SHOX: variants seen among roughly 807,000 people sequenced by gnomAD.
The protein encoded by SHOX is SHOX homeobox.
In SHOX, 12 loss-of-function variants were observed where a neutral mutation model predicts 29.6. The ratio of observed to expected loss-of-function variants is 0.41; its 90% CI spans 0.26 to 0.66. The LOEUF is 0.66. Ranked by LOEUF, SHOX falls within the 30% of genes least tolerant of loss-of-function variation. SHOX has a pLI of 0.35. For missense variants in SHOX, 499 were observed against 437.7 expected, an observed-to-expected ratio of 1.14 and a Z score of -1.25; for synonymous variants, 214 against 200.6, an observed-to-expected ratio of 1.07 and a Z score of -0.57.
intron 1 of SHOX, chrX:624,738 T>TTTCTTCC (rs1200490274): frequency 1.9e-5 from 1 of 53,274 alleles, no homozygotes; most frequent in African/African-American, 9.7e-5. Flanking sequence ...TCTTTCTTTC[T>TTTCTTCC]TTTCTTTCTT....
intron 1 of SHOX, among the ~76,000 whole-genome samples, chrX:632,770 C>T (rs2052673700): frequency 6.6e-6 from 1 of 152,170 alleles, no homozygotes. Flanking sequence ...CACACTGCTG[C>T]GGGCACCCGG....
In SHOX at chrX:651,413, A is replaced by AC. The variant is rs752334957; in HGVS notation, c.*6777_*6778insC. On this transcript the variant is annotated 3_prime_UTR_variant, in exon 5 of 5. Coordinates refer to ENST00000686671, the MANE Select transcript of SHOX (RefSeq NM_000451.4). ...AGAAAAAAAACAAACAAACAAACAG[A>AC]AAAAAAAACCAAAAAAAACCACCCT... 98 of 355,956 alleles carry AC rather than the reference A, an allele frequency of 2.8e-4. 1 individual carries two copies. The highest frequency in any genetic ancestry group is 1.6e-3 in the South Asian group (97 of 61,068). 22.0% of individuals were successfully genotyped at this position (355,956 alleles called of 1,614,324 possible).
At chrX:637,665 G>A (rs1024038782) in intron 2 of SHOX, among the ~76,000 whole-genome samples, 2 of 152,142 alleles carry the variant, frequency 1.3e-5, no homozygotes, top group Non-Finnish European at 1.5e-5. Context: ...GCTTTGAGGG[G>A]TCATAAAAAT....
At chrX:639,333 C>G (rs921647243) in intron 2 of SHOX, among the ~76,000 whole-genome samples, 21 of 152,186 alleles carry the variant, frequency 1.4e-4, no homozygotes, top group Non-Finnish European at 2.2e-4. Flanking sequence ...TATGGGGACC[C>G]TTGGTAATAT....
chrX:654,979 C>T (rs762108727), downstream of SHOX, among the ~76,000 whole-genome samples: 141 of 150,276 alleles, frequency 9.4e-4, 1 homozygote, highest in African/African-American at 3.3e-3. Context: ...TGAGCCACCG[C>T]GCCTGGCCCA....
In SHOX at chrX:649,821, G is replaced by C; in HGVS notation, c.*5185G>C. 1 of 443,398 alleles carries C rather than the reference G, an allele frequency of 2.3e-6. No individual in the cohort carries two copies. The highest frequency in any genetic ancestry group is 1.6e-5 in the South Asian group (1 of 61,358). The allele number at this position is 443,398 out of a possible 1,614,324, so 27.5% of individuals were successfully genotyped here. ...CCAAAACTTGGCCAAATAGTCCGTG[G>C]AGGGTTGTCAGTCGCCGCAGTTGAG... On this transcript the variant is annotated 3_prime_UTR_variant, in exon 5 of 5. Transcript: ENST00000686671.
intron 1 of SHOX, among the ~76,000 whole-genome samples, chrX:633,232 G>A (rs2124160541): frequency 6.6e-6 from 1 of 152,246 alleles, no homozygotes; most frequent in African/African-American, 2.4e-5. Context: ...TCCCCGCCGA[G>A]CCTGGGAGCC....
chrX:651,927 T>A (rs1250880907), downstream of SHOX, among the ~76,000 whole-genome samples: 18 of 137,598 alleles, frequency 1.3e-4, no homozygotes, highest in South Asian at 8.5e-4. Context: ...AATTAATTTA[T>A]TTTTTTTTTT....
At chrX:629,595 G>T (rs2052611849), upstream of SHOX, among the ~76,000 whole-genome samples, 1 of 151,362 alleles carries the variant, frequency 6.6e-6, no homozygotes, top group Non-Finnish European at 1.5e-5. Context: ...CTCTTTCTGT[G>T]TCTTACACAC....
rs1226869069 is a variant in SHOX, at chrX:649,678, A to G, written c.*5042A>G. ...TCCGATGTAACGCCGTTGCAGAGAG[A>G]GGATTTGGTGTGTGAGATCCGTACC... On this transcript the variant is annotated 3_prime_UTR_variant, in exon 5 of 5. Coordinates refer to ENST00000686671, the MANE Select transcript of SHOX (RefSeq NM_000451.4). Among the ~76,000 whole-genome samples, 6 of 151,998 alleles carry G rather than the reference A, an allele frequency of 3.9e-5. No homozygotes were observed.
In SHOX at chrX:624,889, T is replaced by TCTTTCTTTCTTC. The variant is rs2052483529; in HGVS notation, c.-433+298_-433+299insCCTTTCTTTCTT. ...TTCTTTCTTTCTTTCTTTCTTTCTT[T>TCTTTCTTTCTTC]CTTTCTTTCTTTCTCTCTTCCTTTC... On this transcript the variant is annotated intron_variant, in intron 1 of 5. Transcript: ENST00000334060. Among the ~76,000 whole-genome samples the TCTTTCTTTCTTC allele has an allele frequency of 7.9e-5, 7 of 89,118 alleles. 1 individual carries two copies. The highest frequency in any genetic ancestry group is 7.7e-4 in the Admixed American group (7 of 9,084). 58.5% of individuals were successfully genotyped at this position (89,118 alleles called of 152,430 possible). A position where few individuals can be genotyped will look rare whatever the true frequency, so the allele number is the denominator to read the frequency against.
intron 1 of SHOX, 87 bp downstream of exon 1, chrX:631,261 C>A: frequency 6.6e-7 from 1 of 1,511,680 alleles, no homozygotes; most frequent in Non-Finnish European, 9.2e-7. Context: ...GCGCCCCTCG[C>A]TGTGCACATT....
downstream of SHOX, among the ~76,000 whole-genome samples, chrX:651,999 C>T (rs1308158179): frequency 6.6e-5 from 10 of 151,936 alleles, no homozygotes; most frequent in South Asian, 2.1e-4. Context: ...CTCGGCTCAC[C>T]GCGACCTCCG....
In SHOX at chrX:642,334, C is replaced by T. The variant is rs2052871387; in HGVS notation, c.633+1247C>T. Among the ~76,000 whole-genome samples the T allele has an allele frequency of 5.9e-5, 9 of 152,078 alleles. No homozygotes were observed. The South Asian group carries it at 1.5e-3, about 25-fold the overall frequency. Reference sequence around the variant, plus strand: ...GGCTCTGGCAGGGCGGACGCGTGGCCTCCCTTCTTCACCGTTTTATTCCAA... The same window carrying T: ...GGCTCTGGCAGGGCGGACGCGTGGCTTCCCTTCTTCACCGTTTTATTCCAA... On this transcript the variant is annotated intron_variant, in intron 4 of 4. Coordinates refer to ENST00000686671, the MANE Select transcript of SHOX (RefSeq NM_000451.4).
In SHOX at chrX:641,003, C is replaced by A. The variant is rs1251197767; in HGVS notation, c.549C>A (p.Val183=). The part of the protein sequence containing the change: ...RKQENQMHKG[V]ILGTANHLDA... ...ACCTGCTCCCTTTGGACACAGGCGTCATCTTGGGCACAGCCAACCACCTAG... is the reference window on the plus strand; with the variant it reads ...ACCTGCTCCCTTTGGACACAGGCGTAATCTTGGGCACAGCCAACCACCTAG... The change falls in exon 4 of 5, where the codon GTC becomes GTA. Residue 183 remains valine (V), a synonymous_variant. Coordinates refer to ENST00000686671, the MANE Select transcript of SHOX (RefSeq NM_000451.4). The A allele has an allele frequency of 6.2e-7, 1 of 1,613,772 alleles. No homozygotes were observed. Among genetic ancestry groups the A allele is most frequent in the Admixed American group, 1.7e-5 (1 of 60,006 alleles).
downstream of SHOX, among the ~76,000 whole-genome samples, chrX:655,641 T>A (rs2053136720): frequency 8.4e-6 from 1 of 119,694 alleles, no homozygotes; most frequent in Non-Finnish European, 1.8e-5. Context: ...TATATATATA[T>A]ATATATATAT....
chrX:625,991 A>G (rs1347516594), upstream of SHOX, among the ~76,000 whole-genome samples: 2 of 8,948 alleles, frequency 2.2e-4, 1 homozygote, highest in East Asian at 2.4e-3. Flanking sequence ...ATCTCTGTCT[A>G]TCTCTGTCTC....
Position 642,309 on chromosome X carries a change from G to C in SHOX, c.633+1222G>C, listed in dbSNP as rs868224744. Among the ~76,000 whole-genome samples, 726 of 152,132 alleles carry C rather than the reference G, an allele frequency of 4.8e-3. 5 individuals are homozygous for C. The highest frequency in any genetic ancestry group is 0.016 in the African/African-American group (655 of 41,508). Reference sequence around the variant, plus strand: ...GCGGGCGGAACGGGCTTGGGGGGGGGGCTCTGGCAGGGCGGACGCGTGGCC... The same window carrying C: ...GCGGGCGGAACGGGCTTGGGGGGGGCGCTCTGGCAGGGCGGACGCGTGGCC... On this transcript the variant is annotated intron_variant, in intron 4 of 4. Transcript: ENST00000686671.
chrX:632,154 C>T (rs2124157985), intron 1 of SHOX, among the ~76,000 whole-genome samples: 1 of 152,328 alleles, frequency 6.6e-6, no homozygotes, highest in South Asian at 2.1e-4. Context: ...CTGGATGGGG[C>T]GCGAGGGGCC....
Sources: allele counts gnomAD v4.1 joint callset (sites outside exome capture counted in the v4.1 genomes callset), GRCh38; gene constraint gnomAD v4.1.1; transcripts MANE v1.5; gene names NCBI Gene and HGNC (gene_info 2026-07-23, HGNC 2026-07-21).